MYCBP2: variants seen among roughly 807,000 people sequenced by gnomAD.
MYCBP2 encodes MYC binding protein 2, also known as E3 ubiquitin-protein ligase MYCBP2.
A neutral mutation model predicts 525.3 loss-of-function variants in MYCBP2; 120 were observed. The ratio of observed to expected loss-of-function variants is 0.23; its 90% CI spans 0.20 to 0.27. The LOEUF (loss-of-function observed/expected upper bound fraction) is 0.27. Among genes scored for constraint, MYCBP2 ranks in the 10% least tolerant of loss-of-function variants. The probability of loss-of-function intolerance (pLI) is 1.00; values close to 1 mark genes in which losing one functional copy is unlikely to be tolerated. For synonymous variants in MYCBP2, 1,894 were observed against 1,955.8 expected, an observed-to-expected ratio of 0.97 and a Z score of 0.83; for missense variants, 4,149 against 5,657.1, an observed-to-expected ratio of 0.73 and a Z score of 8.55.
intron 13 of MYCBP2, 33 bp downstream of exon 13, chr13:77,260,395 T>A (rs1310900542): frequency 2.7e-6 from 4 of 1,489,276 alleles, no homozygotes; most frequent in Non-Finnish European, 3.6e-6. Context: ...TTGAAACTTC[T>A]TTGCATAAAA....
chr13:77,201,378 C>A (rs9544435), intron 26 of MYCBP2, among the ~76,000 whole-genome samples: 95,252 of 149,674 alleles, frequency 0.64, 32,556 homozygotes, highest in Admixed American at 0.76. Flanking sequence ...TACAGGAGCA[C>A]CCAGATTCAT....
chr13:77,263,157 G>A, intron 10 of MYCBP2, among the ~76,000 whole-genome samples: 1 of 151,940 alleles, frequency 6.6e-6, no homozygotes, highest in East Asian at 1.9e-4. Flanking sequence ...AAAGATTACT[G>A]ATCCGTGTGT....
At chr13:77,231,626 A>T (rs1405788117) in intron 18 of MYCBP2, among the ~76,000 whole-genome samples, 1 of 152,230 alleles carries the variant, frequency 6.6e-6, no homozygotes, top group African/African-American at 2.4e-5. Flanking sequence ...GTTTTCATTT[A>T]ACGTTTCATT....
intron 73 of MYCBP2, among the ~76,000 whole-genome samples, chr13:77,063,540 A>G (rs1462723652): frequency 2.1e-5 from 3 of 143,004 alleles, no homozygotes; most frequent in Non-Finnish European, 4.5e-5. Context: ...CCTGGGCATC[A>G]AGAGTGAAAC....
chr13:77,073,125 G>A (rs2041672219), intron 68 of MYCBP2, among the ~76,000 whole-genome samples: 1 of 151,818 alleles, frequency 6.6e-6, no homozygotes, highest in Non-Finnish European at 1.5e-5. Flanking sequence ...TCTAAAAGAA[G>A]CACTATATCA....
intron 3 of MYCBP2, among the ~76,000 whole-genome samples, chr13:77,283,982 T>C (rs2076472716): frequency 6.6e-6 from 1 of 152,118 alleles, no homozygotes. Context: ...TTAGTGACAG[T>C]TTGAGCTGGT....
At chr13:77,229,554 TAATTC>T (rs1224353723) in intron 18 of MYCBP2, among the ~76,000 whole-genome samples, 6 of 152,268 alleles carry the variant, frequency 3.9e-5, no homozygotes, top group Admixed American at 3.3e-4. Flanking sequence ...AGAAAACAAA[TAATTC>T]AATTCAAAAT....
At chr13:77,131,625 C>G (rs1441187004) in intron 52 of MYCBP2, among the ~76,000 whole-genome samples, 1 of 152,026 alleles carries the variant, frequency 6.6e-6, no homozygotes, top group Non-Finnish European at 1.5e-5. Context: ...TCCAAAGCCC[C>G]AATTTCTCAC....
rs772344140 is a variant in MYCBP2, at chr13:77,326,449, A to G, written c.302+25T>C. The G allele has an allele frequency of 6.6e-7, 1 of 1,526,248 alleles. No individual in the cohort carries two copies. The highest frequency in any genetic ancestry group is 2.6e-5 in the East Asian group (1 of 38,914). The allele number at this position is 1,526,248 out of a possible 1,614,324, so 94.5% of individuals were successfully genotyped here. Reference sequence around the variant, plus strand: ...CGCAAGGAAGGGCGGCATGGGGCGCAAGGAAGGGCACCCTGGGGACGCACC... The same window carrying G: ...CGCAAGGAAGGGCGGCATGGGGCGCGAGGAAGGGCACCCTGGGGACGCACC... On this transcript the variant is annotated intron_variant, in intron 1 of 82. Transcript: ENST00000544440. The surrounding 1 kb of genome is among the most constrained non-coding windows in gnomAD (Gnocchi z 4.2).
At chr13:77,206,928 A>T (rs2063417042) in intron 23 of MYCBP2, 103 bp from the exon 24 acceptor site, 2 of 1,008,292 alleles carry the variant, frequency 2.0e-6, no homozygotes, top group Admixed American at 3.5e-5. Context: ...TAATATAGTC[A>T]GCTTAAAGAG....
chr13:77,058,509 A>G lies in MYCBP2; in HGVS notation c.13141-103T>C. ...TTCCAAAGATTACTTTCCCACAGGA[A>G]GTATCTATGCAGGCCAAGTAACAAC... On this transcript the variant is annotated intron_variant, in intron 77 of 82. Transcript: ENST00000544440. The surrounding 1 kb of genome is among the most constrained non-coding windows in gnomAD (Gnocchi z 4.1). 2.0e-6 allele frequency: 2 copies of G among 985,792 alleles called. No homozygotes were observed. Among genetic ancestry groups the G allele is most frequent in the East Asian group, 2.8e-5 (1 of 35,540 alleles). The allele number at this position is 985,792 out of a possible 1,614,324, so 61.1% of individuals were successfully genotyped here. A position where few individuals can be genotyped will look rare whatever the true frequency, so the allele number is the denominator to read the frequency against.
At chr13:77,154,742 T>C (rs956341709) in intron 46 of MYCBP2, among the ~76,000 whole-genome samples, 4 of 152,102 alleles carry the variant, frequency 2.6e-5, no homozygotes, top group Non-Finnish European at 5.9e-5. Flanking sequence ...TTAACGTGTA[T>C]TGTACTGTGA....
intron 1 of MYCBP2, among the ~76,000 whole-genome samples, chr13:77,302,189 G>A (rs893963765): frequency 1.3e-5 from 2 of 152,074 alleles, no homozygotes; most frequent in African/African-American, 4.8e-5. Context: ...GAAATCAACT[G>A]AGAGATTCAA....
chr13:77,171,389 T>C, intron 38 of MYCBP2, 103 bp downstream of exon 38: 1 of 1,164,012 alleles, frequency 8.6e-7, no homozygotes, highest in East Asian at 2.4e-5. Flanking sequence ...ACACTTAGAT[T>C]CTATAAAATT....
intron 77 of MYCBP2, 42 bp downstream of exon 77, chr13:77,059,481 G>A (rs776944705): frequency 7.0e-7 from 1 of 1,420,198 alleles, no homozygotes; most frequent in Non-Finnish European, 1.0e-6. Flanking sequence ...GTGTCACAGG[G>A]GAACATGGAC....
In MYCBP2 at chr13:77,096,365, C is replaced by G. The variant is rs1369271963; in HGVS notation, c.9901G>C (p.Asp3301His). Residue 3301 changes from aspartate to histidine, a missense_variant, in exon 57 of 83, where the codon GAT (aspartate) becomes CAT (histidine). Coordinates refer to ENST00000544440, the MANE Select transcript of MYCBP2 (RefSeq NM_015057.5). The part of the protein sequence containing the change: ...IGGSTWYLVC[D>H]RCREKYLREK... Reference sequence around the variant, plus strand: ...CGGAGGTATTTTTCTCTACAGCGATCACATACCAGATACCAAGTGCTTCCT... The same window carrying G: ...CGGAGGTATTTTTCTCTACAGCGATGACATACCAGATACCAAGTGCTTCCT... 6.2e-7 allele frequency: 1 copy of G among 1,613,502 alleles called. No homozygotes were observed. Among genetic ancestry groups the G allele is most frequent in the Admixed American group, 1.7e-5 (1 of 59,984 alleles).
chr13:77,128,978 AAACT>A (rs1187275463), intron 52 of MYCBP2, among the ~76,000 whole-genome samples: 20 of 152,174 alleles, frequency 1.3e-4, no homozygotes. Flanking sequence ...AGTATCACTT[AAACT>A]AATAATACAT....
chr13:77,215,376 A>T (rs1277560024), intron 21 of MYCBP2, among the ~76,000 whole-genome samples: 1 of 152,066 alleles, frequency 6.6e-6, no homozygotes, highest in African/African-American at 2.4e-5. Context: ...AGCAAGAATG[A>T]CCTTTCAGTG....
intron 15 of MYCBP2, among the ~76,000 whole-genome samples, chr13:77,244,829 A>G (rs2069572721): frequency 6.6e-6 from 1 of 152,180 alleles, no homozygotes; most frequent in Non-Finnish European, 1.5e-5. Context: ...GAAAACAAAC[A>G]ACCCCATCAA....
Sources: gnomAD v4.1 joint callset for allele counts (sites outside exome capture counted in the v4.1 genomes callset) on GRCh38, gnomAD v4.1.1 for gene constraint, Gnocchi (gnomAD v3.1) non-coding constraint, MANE v1.5 for transcripts, NCBI Gene and HGNC (gene_info 2026-07-23, HGNC 2026-07-21) for gene names.